Variants in NTM observed in about 807,000 individuals in gnomAD.
NTM encodes the protein neurotrimin.
In NTM, 13 loss-of-function variants were observed where a neutral mutation model predicts 42.1. The observed-to-expected ratio is 0.31, with a 90% CI of 0.20 to 0.49. The LOEUF is 0.49. Among genes scored for constraint, NTM ranks in the 20% least tolerant of loss-of-function variants. The probability of loss-of-function intolerance (pLI) is 0.99; values close to 1 mark genes in which losing one functional copy is unlikely to be tolerated. For synonymous variants in NTM, 187 were observed against 179.2 expected (o/e 1.04, Z -0.35); for missense variants, 373 against 452.8 (o/e 0.82, Z 1.60).
intron 4 of NTM, among the ~76,000 whole-genome samples, chr11:132,249,595 C>T (rs1036974283): frequency 2.0e-5 from 3 of 152,196 alleles, no homozygotes; most frequent in Admixed American, 6.5e-5. Flanking sequence ...TTGCTTCAGT[C>T]CCTCCTTCTC....
chr11:131,833,510 T>A (rs566662125), intron 1 of NTM, among the ~76,000 whole-genome samples: 7 of 152,312 alleles, frequency 4.6e-5, no homozygotes, highest in South Asian at 4.1e-4. Flanking sequence ...GACAAAGGAA[T>A]GGAAGACACT....
intron 2 of NTM, among the ~76,000 whole-genome samples, chr11:131,912,208 T>G (rs1378746990): frequency 6.6e-6 from 1 of 152,178 alleles, no homozygotes; most frequent in Non-Finnish European, 1.5e-5. Flanking sequence ...CAGAGATGCT[T>G]TCTCCTGTCT....
intron 1 of NTM, among the ~76,000 whole-genome samples, chr11:131,892,768 G>GC (rs1294731824): frequency 1.3e-5 from 2 of 152,206 alleles, no homozygotes; most frequent in Admixed American, 6.5e-5. Context: ...GCCCAGGCCA[G>GC]CCCGGCATCC....
intron 3 of NTM, among the ~76,000 whole-genome samples, chr11:132,171,432 G>A (rs769301855): frequency 5.3e-4 from 81 of 152,226 alleles, no homozygotes; most frequent in Non-Finnish European, 1.1e-3. Context: ...GCTCATTGAT[G>A]ACGACACCTT....
At chr11:131,419,112 C>T (rs192775960) in intron 1 of NTM, among the ~76,000 whole-genome samples, 29 of 152,170 alleles carry the variant, frequency 1.9e-4, no homozygotes, top group Admixed American at 1.7e-3. Context: ...AAAAATGGCT[C>T]AGCCTACCAT....
In NTM at chr11:131,598,826, C is replaced by CTTCTTTCT. The variant is rs1174503279; in HGVS notation, c.82+227956_82+227963dup. 9.6e-4 allele frequency among the ~76,000 whole-genome samples: 39 copies of CTTCTTTCT among 40,434 alleles called. 7 individuals are homozygous for CTTCTTTCT. Among genetic ancestry groups the CTTCTTTCT allele is most frequent in the Non-Finnish European group, 8.9e-4 (14 of 15,674 alleles). 26.5% of individuals were successfully genotyped at this position (40,434 alleles called of 152,430 possible). On this transcript the variant is annotated intron_variant, in intron 1 of 8. Transcript: ENST00000683400. ...TTCTTTCTTTCTTCTTTCTTTCTTT[C>CTTCTTTCT]TTCTTTCTTTCTTTCTTTCTTTCTT...
chr11:132,254,447 C>T (rs1434873284), intron 4 of NTM, among the ~76,000 whole-genome samples: 1 of 151,812 alleles, frequency 6.6e-6, no homozygotes, highest in Non-Finnish European at 1.5e-5. Context: ...TCTGTACACA[C>T]CCACTGTGAA....
intron 2 of NTM, among the ~76,000 whole-genome samples, chr11:132,045,491 C>T (rs919762028): frequency 5.9e-5 from 9 of 152,182 alleles, no homozygotes; most frequent in Middle Eastern, 3.4e-3. Context: ...CCCTTATATT[C>T]GGCTTCTTTT....
chr11:131,679,252 T>C (rs1047997153), intron 1 of NTM, among the ~76,000 whole-genome samples: 1 of 152,064 alleles, frequency 6.6e-6, no homozygotes, highest in African/African-American at 2.4e-5. Flanking sequence ...TGAGTCCAGA[T>C]AGCCTCCATG....
intron 3 of NTM, among the ~76,000 whole-genome samples, chr11:132,165,988 C>A (rs2075209036): frequency 6.6e-6 from 1 of 152,010 alleles, no homozygotes; most frequent in African/African-American, 2.4e-5. Flanking sequence ...GATGGCAGCC[C>A]CTGAGCTATT....
intron 2 of NTM, among the ~76,000 whole-genome samples, chr11:132,072,206 C>G (rs970921762): frequency 3.3e-5 from 5 of 152,152 alleles, no homozygotes; most frequent in Admixed American, 6.5e-5. Context: ...TGCAAACCCC[C>G]CAAGCAGCCA....
intron 1 of NTM, among the ~76,000 whole-genome samples, chr11:131,523,574 A>G (rs899417088): frequency 6.6e-6 from 1 of 152,104 alleles, no homozygotes; most frequent in Non-Finnish European, 1.5e-5. Flanking sequence ...AGATCACTTA[A>G]GGTCAGGAGT....
chr11:131,486,738 C>A (rs990304539), intron 1 of NTM, among the ~76,000 whole-genome samples: 55 of 152,334 alleles, frequency 3.6e-4, no homozygotes, highest in African/African-American at 1.3e-3. Context: ...TCCTTTCCTT[C>A]TTTTCCTTTC....
At chr11:131,923,244 A>G in intron 2 of NTM, among the ~76,000 whole-genome samples, 1 of 152,202 alleles carries the variant, frequency 6.6e-6, no homozygotes, top group East Asian at 1.9e-4. Flanking sequence ...CCTAAAATGC[A>G]AGGTCCACCA....
chr11:131,614,933 C>A (rs1169336391), intron 1 of NTM, among the ~76,000 whole-genome samples: 1 of 152,220 alleles, frequency 6.6e-6, no homozygotes, highest in Non-Finnish European at 1.5e-5. Flanking sequence ...CTCTGGCTGG[C>A]TCGCCAAGCT....
intron 2 of NTM, among the ~76,000 whole-genome samples, chr11:131,967,901 A>G (rs377289288): frequency 9.2e-5 from 14 of 152,176 alleles, no homozygotes; most frequent in African/African-American, 3.1e-4. Flanking sequence ...CTGAGAGGGA[A>G]TTTTTGAGAC....
chr11:132,247,946 T>A (rs1260376887), intron 4 of NTM, among the ~76,000 whole-genome samples: 5 of 152,124 alleles, frequency 3.3e-5, no homozygotes, highest in South Asian at 2.1e-4. Flanking sequence ...AGCTCTTAAA[T>A]CCTTGGATTT....
At chr11:132,307,090 T>C (rs1159501594) in intron 4 of NTM, among the ~76,000 whole-genome samples, 1 of 152,208 alleles carries the variant, frequency 6.6e-6, no homozygotes, top group African/African-American at 2.4e-5. Flanking sequence ...TTTAGGATCT[T>C]GTACCTAGGA....
intron 1 of NTM, among the ~76,000 whole-genome samples, chr11:131,698,291 C>A (rs1015348262): frequency 3.1e-4 from 47 of 152,174 alleles, no homozygotes; most frequent in African/African-American, 1.1e-3. Flanking sequence ...CCACCCTACC[C>A]CAGTGCTCAC....
Sources: gnomAD v4.1 joint callset for allele counts (sites outside exome capture counted in the v4.1 genomes callset) on GRCh38, gnomAD v4.1.1 for gene constraint, MANE v1.5 for transcripts, NCBI Gene and HGNC (gene_info 2026-07-23, HGNC 2026-07-21) for gene names.